DHX35: variants seen among roughly 807,000 people sequenced by gnomAD.
DHX35 encodes DEAH-box helicase 35.
A neutral mutation model predicts 99.6 loss-of-function variants in DHX35; 84 were observed. The observed-to-expected ratio is 0.84, with a 90% CI of 0.71 to 1.01. DHX35 has a LOEUF of 1.01. Among genes scored for constraint, DHX35 ranks in the 50% least tolerant of loss-of-function variants. The probability of loss-of-function intolerance (pLI) is 0.00; values close to 1 mark genes in which losing one functional copy is unlikely to be tolerated. For synonymous variants in DHX35, 331 were observed against 316.2 expected (o/e 1.05, Z -0.50); for missense variants, 852 against 888.5 (o/e 0.96, Z 0.52).
intron 13 of DHX35, among the ~76,000 whole-genome samples, chr20:39,012,623 G>A (rs1459361829): frequency 6.6e-6 from 1 of 151,770 alleles, no homozygotes; most frequent in Non-Finnish European, 1.5e-5. Context: ...TCTGCCTCTT[G>A]GGTTCAAGTG....
intron 9 of DHX35, 62 bp from the exon 10 acceptor site, chr20:39,002,710 G>A (rs2086540885): frequency 6.9e-7 from 1 of 1,446,008 alleles, no homozygotes; most frequent in South Asian, 1.2e-5. Flanking sequence ...GATTATTAGG[G>A]TAATTGATCT....
intron 9 of DHX35, 42 bp from the exon 10 acceptor site, chr20:39,002,730 G>GT (rs756459441): frequency 4.3e-5 from 67 of 1,553,300 alleles, no homozygotes; most frequent in Non-Finnish European, 5.5e-5. Flanking sequence ...TGTAATTAAT[G>GT]AGCATATTCT....
intron 11 of DHX35, among the ~76,000 whole-genome samples, chr20:39,005,383 T>C (rs913066405): frequency 6.6e-6 from 1 of 152,206 alleles, no homozygotes; most frequent in Non-Finnish European, 1.5e-5. Flanking sequence ...TCCTTTGAAC[T>C]GTTTCTTATT....
At chr20:38,984,640 T>C (rs1192543633) in intron 4 of DHX35, among the ~76,000 whole-genome samples, 1 of 152,192 alleles carries the variant, frequency 6.6e-6, no homozygotes, top group Non-Finnish European at 1.5e-5. Flanking sequence ...TTTCCTGTTA[T>C]GAAAGAAGAG....
intron 13 of DHX35, among the ~76,000 whole-genome samples, chr20:39,014,154 C>T (rs935951473): frequency 9.2e-5 from 14 of 152,120 alleles, no homozygotes; most frequent in Non-Finnish European, 1.8e-4. Context: ...ATTTAGAAAA[C>T]ATCCTATGCA....
At chr20:38,979,903 TAC>T (rs1208977647) in intron 3 of DHX35, among the ~76,000 whole-genome samples, 1 of 151,512 alleles carries the variant, frequency 6.6e-6, no homozygotes, top group African/African-American at 2.4e-5. Flanking sequence ...TCTTCTTAAG[TAC>T]AATTTTTATT....
chr20:39,017,911 C>T (rs139483155), intron 14 of DHX35, among the ~76,000 whole-genome samples: 3 of 152,196 alleles, frequency 2.0e-5, no homozygotes, highest in East Asian at 1.9e-4. Flanking sequence ...TACTCAAGAC[C>T]GGGTAATTTA....
At chr20:38,986,137 A>G (rs2086245848) in intron 4 of DHX35, among the ~76,000 whole-genome samples, 1 of 151,988 alleles carries the variant, frequency 6.6e-6, no homozygotes, top group African/African-American at 2.4e-5. Flanking sequence ...AATGAGATAC[A>G]AATTTGTGAA....
At position 39,021,859 on chromosome 20, in the gene DHX35, A is replaced by T. The variant is rs780403961; in HGVS notation, c.1517A>T (p.Gln506Leu). 1 of 1,614,192 alleles carries T rather than the reference A, an allele frequency of 6.2e-7. No homozygotes were observed. The highest frequency in any genetic ancestry group is 2.2e-5 in the East Asian group (1 of 44,892). Residue 506 changes from glutamine to leucine, a missense_variant, in exon 16 of 22, where the codon CAG becomes CTG. Physicochemically the swap from Gln to Leu is moderately radical, Grantham distance 113. Coordinates refer to ENST00000252011, the MANE Select transcript of DHX35 (RefSeq NM_021931.4). ...LLESGNFGCS[Q>L]EILSIAAMMQ... ...TTTACAGGAAACTTCGGCTGTTCTC[A>T]GGAAATTCTAAGCATCGCTGCCATG...
chr20:38,966,468 G>A (rs574654567), intron 1 of DHX35, among the ~76,000 whole-genome samples: 68 of 152,294 alleles, frequency 4.5e-4, no homozygotes, highest in African/African-American at 1.6e-3. Flanking sequence ...TCAGAAGTTC[G>A]ACACCAGCCT....
chr20:39,006,027 A>G (rs1001289036), intron 11 of DHX35, 119 bp from the exon 12 acceptor site: 26 of 1,180,472 alleles, frequency 2.2e-5, no homozygotes, highest in Non-Finnish European at 3.0e-5. Flanking sequence ...CTAGTATATT[A>G]AACTGCCTCT....
At chr20:39,036,464 G>T (rs1231175990) in intron 21 of DHX35, among the ~76,000 whole-genome samples, 1 of 152,038 alleles carries the variant, frequency 6.6e-6, no homozygotes, top group African/African-American at 2.4e-5. Flanking sequence ...GGTGGCTCAC[G>T]CCTGTAATCC....
intron 8 of DHX35, among the ~76,000 whole-genome samples, chr20:38,997,310 A>T (rs908816382): frequency 2.0e-5 from 3 of 152,042 alleles, no homozygotes; most frequent in African/African-American, 7.2e-5. Flanking sequence ...ACCTCAGGTG[A>T]TCCTCCCGCC....
chr20:38,970,412 C>A (rs1242313324), intron 2 of DHX35, among the ~76,000 whole-genome samples: 1 of 152,212 alleles, frequency 6.6e-6, no homozygotes, highest in Non-Finnish European at 1.5e-5. Context: ...GTTTCTTCCT[C>A]AAGTGACTAA....
intron 8 of DHX35, 122 bp downstream of exon 8, chr20:38,995,002 C>A (rs971966379): frequency 4.1e-6 from 3 of 738,554 alleles, no homozygotes; most frequent in East Asian, 5.2e-5. Flanking sequence ...TTTATGGGAC[C>A]ATCTGATGTC....
At chr20:38,979,068 A>C in intron 3 of DHX35, among the ~76,000 whole-genome samples, 1 of 152,026 alleles carries the variant, frequency 6.6e-6, no homozygotes, top group Non-Finnish European at 1.5e-5. Flanking sequence ...TTTTTATGTG[A>C]GGACCATGCT....
intron 11 of DHX35, among the ~76,000 whole-genome samples, chr20:39,005,167 T>TA (rs1392653210): frequency 6.6e-6 from 1 of 152,194 alleles, no homozygotes; most frequent in Non-Finnish European, 1.5e-5. Context: ...AAATGATTTA[T>TA]AAAATGTAAA....
At chr20:39,031,351 T>G (rs2087049098) in intron 20 of DHX35, among the ~76,000 whole-genome samples, 1 of 149,744 alleles carries the variant, frequency 6.7e-6, no homozygotes, top group East Asian at 2.0e-4. Flanking sequence ...TTTTTTTTTT[T>G]GAGACAGAGT....
intron 21 of DHX35, among the ~76,000 whole-genome samples, chr20:39,037,183 T>A (rs2087167854): frequency 6.6e-6 from 1 of 152,198 alleles, no homozygotes; most frequent in Admixed American, 6.5e-5. Flanking sequence ...GCCGTGGATA[T>A]CTAACATTAG....
Sources: allele counts gnomAD v4.1 joint callset (sites outside exome capture counted in the v4.1 genomes callset), GRCh38; gene constraint gnomAD v4.1.1; transcripts MANE v1.5; gene names NCBI Gene and HGNC (gene_info 2026-07-23, HGNC 2026-07-21).